JCAD: variants seen among roughly 807,000 people sequenced by gnomAD.
JCAD encodes junctional cadherin 5-associated protein.
JCAD carries 40 observed loss-of-function variants against 98.0 expected under a neutral mutation model. The ratio of observed to expected loss-of-function variants is 0.41; its 90% CI spans 0.32 to 0.53. The LOEUF (loss-of-function observed/expected upper bound fraction) is 0.53, where lower values mean the gene tolerates loss of function less well. JCAD is among the 20% of genes least tolerant of loss of function. The pLI, the probability that JCAD is intolerant of heterozygous loss-of-function variation, is 0.31. For synonymous variants in JCAD, 691 were observed against 682.3 expected (o/e 1.01, Z -0.20); for missense variants, 1,705 against 1,738.1 (o/e 0.98, Z 0.34).
At chr10:30,031,252 A>G (rs535424529) in intron 2 of JCAD, among the ~76,000 whole-genome samples, 16 of 151,916 alleles carry the variant, frequency 1.1e-4, no homozygotes, top group Non-Finnish European at 2.1e-4. Context: ...TCAGCCTCCC[A>G]AGTAGCTGGG....
chr10:30,057,279 G>A (rs1837591033), intron 1 of JCAD, among the ~76,000 whole-genome samples: 1 of 152,320 alleles, frequency 6.6e-6, no homozygotes, highest in Admixed American at 6.5e-5. Flanking sequence ...GAACTTGGGG[G>A]AGCCACAGAC....
chr10:30,041,394 T>C (rs1319368917), intron 2 of JCAD, among the ~76,000 whole-genome samples: 1 of 152,200 alleles, frequency 6.6e-6, no homozygotes, highest in African/African-American at 2.4e-5. Flanking sequence ...CATAAGTTTG[T>C]AAAAGAAAGA....
chr10:30,082,061 C>T (rs943045679), intron 1 of JCAD, among the ~76,000 whole-genome samples: 6 of 152,078 alleles, frequency 3.9e-5, no homozygotes, highest in African/African-American at 9.7e-5. Context: ...ATATCGTTTA[C>T]GTCTAAGTGT....
intron 1 of JCAD, among the ~76,000 whole-genome samples, chr10:30,057,492 C>T (rs981961003): frequency 6.6e-6 from 1 of 152,114 alleles, no homozygotes; most frequent in African/African-American, 2.4e-5. Flanking sequence ...TGTGACCACT[C>T]GATGAGCTAT....
At chr10:30,021,884 C>T (rs957836254) in intron 3 of JCAD, among the ~76,000 whole-genome samples, 3 of 152,204 alleles carry the variant, frequency 2.0e-5, no homozygotes, top group Non-Finnish European at 4.4e-5. Context: ...CACATTAACG[C>T]CCTCAGAGAT....
chr10:30,114,014 G>A (rs956751030), intron 1 of JCAD, among the ~76,000 whole-genome samples: 4 of 152,106 alleles, frequency 2.6e-5, no homozygotes, highest in South Asian at 2.1e-4. Context: ...TCTACGACTC[G>A]TCAGCATTAT....
intron 1 of JCAD, among the ~76,000 whole-genome samples, chr10:30,049,492 T>C (rs372009751): frequency 2.0e-5 from 3 of 152,196 alleles, no homozygotes; most frequent in African/African-American, 7.2e-5. Flanking sequence ...CCTGTCAGCA[T>C]GGAGAGTATC....
chr10:30,067,614 CA>C (rs139178982), intron 2 of JCAD, among the ~76,000 whole-genome samples: 6,965 of 152,284 alleles, frequency 0.046, 436 homozygotes, highest in African/African-American at 0.14. Context: ...AGGCGTAAGC[CA>C]CTGCAACTGG....
intron 2 of JCAD, among the ~76,000 whole-genome samples, chr10:30,065,657 T>C (rs930496521): frequency 3.9e-5 from 6 of 152,012 alleles, no homozygotes; most frequent in Non-Finnish European, 7.4e-5. Flanking sequence ...CACACAACCA[T>C]GCCCAGCTAA....
At chr10:30,101,664 G>A (rs188880921) in intron 1 of JCAD, among the ~76,000 whole-genome samples, 5 of 152,002 alleles carry the variant, frequency 3.3e-5, no homozygotes, top group African/African-American at 9.7e-5. Flanking sequence ...CACCACGCCC[G>A]GCTCAGGCTA....
chr10:30,095,672 G>A (rs765339100), intron 1 of JCAD, among the ~76,000 whole-genome samples: 1 of 152,198 alleles, frequency 6.6e-6, no homozygotes, highest in Non-Finnish European at 1.5e-5. Context: ...CTGATCACAA[G>A]CTCCTCATGG....
intron 1 of JCAD, among the ~76,000 whole-genome samples, chr10:30,099,659 C>T (rs376087577): frequency 2.0e-5 from 3 of 152,008 alleles, no homozygotes; most frequent in African/African-American, 7.2e-5. Context: ...TACAAATAAT[C>T]TTTATGCCAA....
intron 2 of JCAD, among the ~76,000 whole-genome samples, chr10:30,065,933 G>A (rs777291521): frequency 7.9e-5 from 12 of 152,168 alleles, no homozygotes; most frequent in Non-Finnish European, 1.3e-4. Context: ...TCAAACCGAT[G>A]CAATCAGAAT....
upstream of JCAD, among the ~76,000 whole-genome samples, chr10:30,060,124 C>A (rs550817523): frequency 2.6e-5 from 4 of 152,236 alleles, no homozygotes; most frequent in South Asian, 8.3e-4. Flanking sequence ...CACACACACA[C>A]ACACACACAA....
intron 1 of JCAD, among the ~76,000 whole-genome samples, chr10:30,094,740 A>C (rs531648778): frequency 6.6e-6 from 1 of 152,012 alleles, no homozygotes; most frequent in South Asian, 2.1e-4. Flanking sequence ...CCAGCCGCCC[A>C]CTCCTAACTT....
chr10:30,110,791 C>T (rs1299391240), intron 1 of JCAD, among the ~76,000 whole-genome samples: 1 of 151,936 alleles, frequency 6.6e-6, no homozygotes, highest in Non-Finnish European at 1.5e-5. Context: ...GATGTATGGA[C>T]CCACTGATGT....
chr10:30,102,850 G>C (rs1318217563), intron 1 of JCAD, among the ~76,000 whole-genome samples: 1 of 152,186 alleles, frequency 6.6e-6, no homozygotes, highest in Non-Finnish European at 1.5e-5. Flanking sequence ...CAAATGAAGA[G>C]CAAAGTCACG....
rs113341950 is a variant in JCAD at position 30,080,476 on chromosome 10, G to A, written n.129-10655C>T. Among the ~76,000 whole-genome samples, 530 of 152,226 alleles carry A rather than the reference G, an allele frequency of 3.5e-3. 5 individuals are homozygous for A. The highest frequency in any genetic ancestry group is 0.012 in the African/African-American group (493 of 41,514). ...TCTTATGTCTGGGGCTCTTCTGTTGGCCTTACTCTACAGACTTAGATTTCC... is the reference window on the plus strand; with the variant it reads ...TCTTATGTCTGGGGCTCTTCTGTTGACCTTACTCTACAGACTTAGATTTCC... On this transcript the variant is annotated intron_variant and non_coding_transcript_variant, in intron 1 of 2. Coordinates refer to the JCAD transcript ENST00000465712.
intron 2 of JCAD, among the ~76,000 whole-genome samples, chr10:30,065,401 G>A (rs1449092249): frequency 6.6e-6 from 1 of 151,904 alleles, no homozygotes; most frequent in Non-Finnish European, 1.5e-5. Context: ...ATAAAAAGCT[G>A]CCAAATTGAA....
Sources: allele counts gnomAD v4.1 joint callset (sites outside exome capture counted in the v4.1 genomes callset), GRCh38; gene constraint gnomAD v4.1.1; transcripts MANE v1.5; gene names NCBI Gene and HGNC (gene_info 2026-07-23, HGNC 2026-07-21).